The following NBAS variants were observed in gnomAD, a reference collection of about 807,000 sequenced individuals.
NBAS encodes NBAS subunit of NRZ tethering complex.
NBAS carries 219 observed loss-of-function variants against 302.5 expected under a neutral mutation model. That is an observed-to-expected ratio of 0.72 (90% CI 0.65 to 0.81). The LOEUF (loss-of-function observed/expected upper bound fraction) is 0.81. NBAS is among the 30% of genes least tolerant of loss of function. The pLI is 0.00. For missense variants in NBAS, 2,932 were observed against 2,841.6 expected, an observed-to-expected ratio of 1.03 and a Z score of -0.72; for synonymous variants, 1,118 against 1,021.6, an observed-to-expected ratio of 1.09 and a Z score of -1.80.
chr2:15,204,106 A>G (rs1454656447), intron 48 of NBAS, among the ~76,000 whole-genome samples: 3 of 151,964 alleles, frequency 2.0e-5, no homozygotes, highest in African/African-American at 7.3e-5. Flanking sequence ...TACGAAAAAT[A>G]TACAGTTAGC....
chr2:14,796,436 C>T, the NBAS span, among the ~76,000 whole-genome samples: 296 of 152,292 alleles, frequency 1.9e-3, 2 homozygotes, highest in African/African-American at 6.2e-3. Flanking sequence ...GAAACATTTA[C>T]ATCTTAACAA....
chr2:15,370,611 C>T (rs140878637), intron 31 of NBAS, among the ~76,000 whole-genome samples: 1,810 of 152,280 alleles, frequency 0.012, 19 homozygotes, highest in Non-Finnish European at 0.016. Context: ...CATGAGAGCC[C>T]ACCCTTTGCA....
At chr2:15,018,524 T>C in the NBAS span, among the ~76,000 whole-genome samples, 96 of 152,156 alleles carry the variant, frequency 6.3e-4, no homozygotes, top group African/African-American at 2.2e-3. Context: ...TTTGAAACCA[T>C]TTATACACAT....
At chr2:15,518,737 T>G (rs919454374) in intron 9 of NBAS, among the ~76,000 whole-genome samples, 3 of 151,064 alleles carry the variant, frequency 2.0e-5, no homozygotes, top group Admixed American at 1.3e-4. Context: ...CAAAAGAGAG[T>G]TTTATTGGAC....
chr2:15,339,619 A>G (rs1460908695), intron 35 of NBAS, among the ~76,000 whole-genome samples: 1 of 152,222 alleles, frequency 6.6e-6, no homozygotes, highest in East Asian at 1.9e-4. Context: ...GTAAAAGACA[A>G]GCAAAAATAA....
At chr2:15,305,289 C>A (rs1050479276) in intron 40 of NBAS, among the ~76,000 whole-genome samples, 1 of 151,972 alleles carries the variant, frequency 6.6e-6, no homozygotes, top group African/African-American at 2.4e-5. Context: ...TCCCGCTTTG[C>A]TTGGCATTTC....
At chr2:15,102,127 G>A in the NBAS span, among the ~76,000 whole-genome samples, 3 of 152,216 alleles carry the variant, frequency 2.0e-5, no homozygotes, top group African/African-American at 7.2e-5. Context: ...GGGCAGTTCT[G>A]AGGGAGAAGC....
the NBAS span, among the ~76,000 whole-genome samples, chr2:14,908,786 AC>A: frequency 6.6e-6 from 1 of 152,054 alleles, no homozygotes; most frequent in Non-Finnish European, 1.5e-5. Flanking sequence ...AGATGAAATC[AC>A]CCCCAGACCA....
chr2:15,388,588 T>C (rs928616185), intron 28 of NBAS, among the ~76,000 whole-genome samples: 13 of 152,110 alleles, frequency 8.5e-5, no homozygotes, highest in Non-Finnish European at 1.8e-4. Flanking sequence ...TCTTCTAAAG[T>C]TGAACTCAGG....
chr2:15,098,672 T>C, the NBAS span, among the ~76,000 whole-genome samples: 2 of 128,044 alleles, frequency 1.6e-5, no homozygotes, highest in Non-Finnish European at 3.2e-5. Flanking sequence ...ATATACATTA[T>C]ATTATATATT....
At chr2:15,011,659 C>A in the NBAS span, among the ~76,000 whole-genome samples, 1 of 152,258 alleles carries the variant, frequency 6.6e-6, no homozygotes, top group African/African-American at 2.4e-5. Flanking sequence ...CCAACCTGAG[C>A]AATCCAGACC....
chr2:15,335,957 A>T (rs1330927673), intron 35 of NBAS, among the ~76,000 whole-genome samples: 1 of 152,122 alleles, frequency 6.6e-6, no homozygotes, highest in Non-Finnish European at 1.5e-5. Context: ...TTACGCAGGC[A>T]TTGTGGCACG....
At chr2:15,554,039 A>T (rs573581006) in intron 4 of NBAS, 22 bp downstream of exon 4, 3 of 1,385,784 alleles carry the variant, frequency 2.2e-6, no homozygotes, top group African/African-American at 1.8e-5. Flanking sequence ...ACAGAAAAAC[A>T]TTGAATTTCA....
chr2:14,930,777 C>A, the NBAS span, among the ~76,000 whole-genome samples: 245 of 152,298 alleles, frequency 1.6e-3, 1 homozygote, highest in Non-Finnish European at 3.0e-3. Context: ...TATGATTGAC[C>A]AATCTGCAGA....
chr2:14,911,641 G>T, the NBAS span, among the ~76,000 whole-genome samples: 2 of 152,142 alleles, frequency 1.3e-5, no homozygotes, highest in Admixed American at 1.3e-4. Context: ...CCCACTTGTT[G>T]TCAAGATTAA....
intron 10 of NBAS, among the ~76,000 whole-genome samples, chr2:15,506,526 T>C (rs563278637): frequency 5.3e-5 from 8 of 152,204 alleles, no homozygotes; most frequent in Non-Finnish European, 1.2e-4. Context: ...CCAAGGATTT[T>C]ACATCCAGAC....
the NBAS span, among the ~76,000 whole-genome samples, chr2:15,001,628 G>A: frequency 6.6e-6 from 1 of 152,096 alleles, no homozygotes; most frequent in Admixed American, 6.6e-5. Context: ...ATAGTATTGT[G>A]TCCAGAATTT....
intron 3 of NBAS, among the ~76,000 whole-genome samples, chr2:15,555,451 TG>T (rs1327939383): frequency 2.0e-5 from 3 of 152,098 alleles, no homozygotes; most frequent in Non-Finnish European, 4.4e-5. Context: ...GGACTTGAGA[TG>T]TAACATTTTG....
At chr2:15,480,596 ATTCTT>A (rs1241781289) in intron 12 of NBAS, among the ~76,000 whole-genome samples, 1 of 152,214 alleles carries the variant, frequency 6.6e-6, no homozygotes, top group Non-Finnish European at 1.5e-5. Flanking sequence ...TTATGGTGGT[ATTCTT>A]TTAAGACTGG....
Sources: allele counts gnomAD v4.1 joint callset (sites outside exome capture counted in the v4.1 genomes callset), GRCh38; gene constraint gnomAD v4.1.1; transcripts MANE v1.5; gene names NCBI Gene and HGNC (gene_info 2026-07-23, HGNC 2026-07-21).